The following STON2 variants were observed in gnomAD, a reference collection of about 807,000 sequenced individuals.
STON2 encodes the protein stonin-2.
Under a neutral mutation model 65.7 loss-of-function variants are expected in STON2, and 29 were observed. The observed-to-expected ratio is 0.44, with a 90% confidence interval of 0.33 to 0.60. STON2 has a LOEUF of 0.60. STON2 is among the 20% of genes least tolerant of loss of function. STON2 has a pLI of 0.03. For synonymous variants in STON2, 404 were observed against 414.2 expected (o/e 0.98, Z 0.30); for missense variants, 1,054 against 1,118.1 (o/e 0.94, Z 0.82).
intron 4 of STON2, among the ~76,000 whole-genome samples, chr14:81,347,470 T>C (rs976592108): frequency 6.6e-6 from 1 of 151,918 alleles, no homozygotes. Context: ...TCAGATGGCT[T>C]TACATTGAAT....
intron 4 of STON2, among the ~76,000 whole-genome samples, chr14:81,339,438 A>G (rs74409378): frequency 0.013 from 1,920 of 152,288 alleles, 37 homozygotes; most frequent in African/African-American, 0.043. Flanking sequence ...AGGGGCAGGC[A>G]ACCAGCAAAG....
chr14:81,376,361 C>T (rs1899251610), intron 3 of STON2, among the ~76,000 whole-genome samples: 7 of 151,844 alleles, frequency 4.6e-5, no homozygotes, highest in Admixed American at 3.9e-4. Flanking sequence ...TATACCAATA[C>T]ATAAATACGG....
chr14:81,276,204 G>T (rs745712214), intron 6 of STON2, among the ~76,000 whole-genome samples: 1 of 152,218 alleles, frequency 6.6e-6, no homozygotes, highest in African/African-American at 2.4e-5. Flanking sequence ...ACTCACTCAA[G>T]CACAAAAGCA....
chr14:81,271,971 C>A (rs1894614560), intron 6 of STON2, among the ~76,000 whole-genome samples: 1 of 152,168 alleles, frequency 6.6e-6, no homozygotes. Context: ...GAGCTAAAAA[C>A]TGAACCTAGC....
chr14:81,395,836 C>T, intron 3 of STON2, 58 bp downstream of exon 3: 2 of 1,572,440 alleles, frequency 1.3e-6, no homozygotes, highest in Non-Finnish European at 1.7e-6. Context: ...ATAGACCTCT[C>T]ACTGAAAAGC....
At chr14:81,368,116 A>T (rs1482263966) in intron 4 of STON2, among the ~76,000 whole-genome samples, 1 of 152,196 alleles carries the variant, frequency 6.6e-6, no homozygotes, top group African/African-American at 2.4e-5. Flanking sequence ...ATATGCTTGT[A>T]TGCATCCTCT....
chr14:81,283,362 T>C (rs1895199516), intron 5 of STON2, among the ~76,000 whole-genome samples: 1 of 152,186 alleles, frequency 6.6e-6, no homozygotes, highest in African/African-American at 2.4e-5. Context: ...GTTAACCTAA[T>C]TTGTAAAAAA....
intron 5 of STON2, among the ~76,000 whole-genome samples, chr14:81,300,380 C>T (rs1047594155): frequency 2.6e-5 from 4 of 151,778 alleles, no homozygotes; most frequent in African/African-American, 9.7e-5. Flanking sequence ...TTAGGGTAGG[C>T]AAAAATTTCT....
At chr14:81,330,944 C>T (rs1023119097) in intron 4 of STON2, among the ~76,000 whole-genome samples, 1 of 152,238 alleles carries the variant, frequency 6.6e-6, no homozygotes, top group Non-Finnish European at 1.5e-5. Context: ...GAGACTATGA[C>T]TAAGAGCTGT....
Position 81,277,166 on chromosome 14 carries a change from G to A in STON2, c.2316C>T (p.Ala772=). ...SWLRMSTGFS[A]NRDPLTQVPC... ...GAACCTGAGTGAGGGGGTCACGATT[G>A]GCGGAGAAGCCAGTTGACATCCTCA... Residue 772 remains alanine (A), a synonymous_variant, in exon 6 of 8, where the codon GCC becomes GCT. Coordinates refer to ENST00000614646, the MANE Select transcript of STON2 (RefSeq NM_001394390.1). The A allele has an allele frequency of 6.2e-7, 1 of 1,614,214 alleles. No individual in the cohort carries two copies.
At chr14:81,433,696 C>T (rs1351636438) in intron 1 of STON2, among the ~76,000 whole-genome samples, 1 of 152,168 alleles carries the variant, frequency 6.6e-6, no homozygotes, top group Non-Finnish European at 1.5e-5. Context: ...TGTCCTTTTT[C>T]CCTTTGTCAT....
At chr14:81,421,863 G>A (rs1901721077) in intron 2 of STON2, among the ~76,000 whole-genome samples, 1 of 152,156 alleles carries the variant, frequency 6.6e-6, no homozygotes, top group African/African-American at 2.4e-5. Flanking sequence ...GAAGAGAGAT[G>A]AGTGCTAAAA....
In STON2 at chr14:81,385,515, T is replaced by C. The variant is rs544750576; in HGVS notation, c.373+10379A>G. On this transcript the variant is annotated intron_variant, in intron 3 of 7. Transcript: ENST00000614646. ...ATGTGTGTGGAACAATGGGAAATCA[T>C]AACCCTATGAAAATAGCTGAAAAGA... Among the ~76,000 whole-genome samples the C allele has an allele frequency of 5.3e-5, 8 of 152,310 alleles. No individual in the cohort carries two copies. In the South Asian group the frequency reaches 1.7e-3, roughly 32 times the overall value.
At chr14:81,420,599 G>A (rs1310839080) in intron 2 of STON2, among the ~76,000 whole-genome samples, 1 of 152,190 alleles carries the variant, frequency 6.6e-6, no homozygotes, top group Non-Finnish European at 1.5e-5. Flanking sequence ...GCAGTGCGAT[G>A]GGTGCATAGG....
intron 2 of STON2, among the ~76,000 whole-genome samples, chr14:81,423,627 T>G (rs1336544900): frequency 1.3e-5 from 2 of 152,040 alleles, no homozygotes; most frequent in Non-Finnish European, 2.9e-5. Flanking sequence ...ATCCTTCCCC[T>G]CCCTCTTCCC....
chr14:81,290,011 C>T (rs1372194902), intron 5 of STON2, among the ~76,000 whole-genome samples: 1 of 152,192 alleles, frequency 6.6e-6, no homozygotes, highest in Non-Finnish European at 1.5e-5. Context: ...TATTATCTCC[C>T]TCACTGCTTC....
chr14:81,290,425 T>C (rs1895510232), intron 5 of STON2, among the ~76,000 whole-genome samples: 1 of 152,218 alleles, frequency 6.6e-6, no homozygotes, highest in Non-Finnish European at 1.5e-5. Context: ...TGAGATCTCT[T>C]GCATGTTATT....
At chr14:81,287,236 G>A (rs1400746896) in intron 5 of STON2, among the ~76,000 whole-genome samples, 1 of 152,144 alleles carries the variant, frequency 6.6e-6, no homozygotes, top group Non-Finnish European at 1.5e-5. Flanking sequence ...AAAAAGAGGA[G>A]CCGGAGGATA....
intron 4 of STON2, among the ~76,000 whole-genome samples, chr14:81,325,469 T>A (rs1012467081): frequency 2.6e-5 from 4 of 151,782 alleles, no homozygotes; most frequent in African/African-American, 4.8e-5. Flanking sequence ...TTATAAAAAA[T>A]TCATTATAAA....
Sources: gnomAD v4.1 joint callset for allele counts (sites outside exome capture counted in the v4.1 genomes callset) on GRCh38, gnomAD v4.1.1 for gene constraint, MANE v1.5 for transcripts, NCBI Gene and HGNC (gene_info 2026-07-23, HGNC 2026-07-21) for gene names.